Variants in METTL21A observed in about 807,000 individuals in gnomAD.
METTL21A encodes the protein protein N-lysine methyltransferase METTL21A.
METTL21A carries 22 observed loss-of-function variants against 20.9 expected under a neutral mutation model. The observed-to-expected ratio is 1.05, with a 90% CI of 0.75 to 1.50. The LOEUF is 1.50. Ranked by LOEUF, METTL21A falls within the 40% of genes most tolerant of loss-of-function variation. The pLI, the probability that METTL21A is intolerant of heterozygous loss-of-function variation, is 0.00. For synonymous variants in METTL21A, 93 were observed against 102.0 expected, an observed-to-expected ratio of 0.91 and a Z score of 0.53; for missense variants, 271 against 266.8, an observed-to-expected ratio of 1.02 and a Z score of -0.11.
downstream of METTL21A, chr2:207,609,010 T>C (rs1322755055): frequency 1.3e-5 from 2 of 152,238 alleles, no homozygotes. Context: ...CAATCTTTCA[T>C]ATTCATGGTG....
chr2:207,614,669 C>T (rs2551948), intron 3 of METTL21A, among the ~76,000 whole-genome samples: 128,457 of 152,180 alleles, frequency 0.84, 54,405 homozygotes, highest in East Asian at 1. Context: ...TGTAGAAAAA[C>T]TAAACTGTTT....
intron 3 of METTL21A, among the ~76,000 whole-genome samples, chr2:207,615,153 G>A (rs2089521006): frequency 1.3e-5 from 2 of 152,278 alleles, no homozygotes; most frequent in East Asian, 3.9e-4. Context: ...AGATTTCAAT[G>A]ACAGTTTTCA....
downstream of METTL21A, among the ~76,000 whole-genome samples, chr2:207,606,194 C>T (rs938845620): frequency 3.9e-5 from 6 of 152,100 alleles, no homozygotes; most frequent in Admixed American, 1.3e-4. Context: ...CAAGTTGGGC[C>T]GGGGTGCGGG....
At position 207,621,907 on chromosome 2, in the gene METTL21A, AGAACGATGGCCT is replaced by A. The variant is rs552968267; in HGVS notation, c.148-2_157del. ...AGCTCCCATCTCCAGGTATGTGGAAAGAACGATGGCCTGAATGAAAACACAGTGTGATGACGA... is the reference window on the plus strand; with the variant it reads ...AGCTCCCATCTCCAGGTATGTGGAAAGAATGAAAACACAGTGTGATGACGA... On this transcript the variant is annotated splice_acceptor_variant and coding_sequence_variant, in exon 3 of 4. Coordinates refer to ENST00000406927, the Ensembl canonical transcript of METTL21A. LOFTEE classifies it high-confidence loss of function. The A allele has an allele frequency of 1.8e-4, 289 of 1,614,062 alleles. 1 individual carries two copies. The African/African-American group carries it at 3.2e-3, about 18-fold the overall frequency.
chr2:207,590,226 G>C (rs2084751049), intron 3 of METTL21A, among the ~76,000 whole-genome samples: 1 of 151,098 alleles, frequency 6.6e-6, no homozygotes, highest in Non-Finnish European at 1.5e-5. Flanking sequence ...GTTGTTTGTA[G>C]TGTTAGTTTA....
chr2:207,621,375 C>T (rs542906156), intron 3 of METTL21A, among the ~76,000 whole-genome samples: 33 of 152,316 alleles, frequency 2.2e-4, no homozygotes, highest in African/African-American at 7.9e-4. Flanking sequence ...AAAGTTTCCT[C>T]AGCAATGAAG....
At chr2:207,613,523 G>A (rs926071228) in intron 3 of METTL21A, 80 bp from the exon 4 acceptor site, 19 of 1,321,794 alleles carry the variant, frequency 1.4e-5, no homozygotes, top group Admixed American at 2.4e-5. Flanking sequence ...GTTAAATGTA[G>A]AGTGTCTCTT....
chr2:207,604,877 A>C (rs2087825316), downstream of METTL21A, among the ~76,000 whole-genome samples: 1 of 152,158 alleles, frequency 6.6e-6, no homozygotes, highest in Non-Finnish European at 1.5e-5. Flanking sequence ...GTTGAGGTTG[A>C]TCCATTGTAA....
chr2:207,601,529 GA>G, intron 3 of METTL21A: 1 of 196,844 alleles, frequency 5.1e-6, no homozygotes, highest in Non-Finnish European at 1.1e-5. Context: ...AGATTGAAGG[GA>G]AAATAACTCA....
In METTL21A at chr2:207,613,387, C is replaced by T. The variant is rs750381718; in HGVS notation, c.316G>A (p.Val106Ile). The T allele has an allele frequency of 6.8e-6, 11 of 1,608,524 alleles. No homozygotes were observed. The highest frequency in any genetic ancestry group is 4.5e-5 in the South Asian group (4 of 89,658). The stretch of plus-strand genomic sequence containing the variant: ...ATATGAGGAGGTAAGTTGGCTTGAA[C>T]GTTTGATTTAAGAAATTCTAATGCT... Residue 106 changes from valine to isoleucine, a missense_variant, in exon 4 of 4, where the codon GTT (valine) becomes ATT (isoleucine). By Grantham distance (29) the Val-to-Ile change is conservative. Transcript: ENST00000406927.
At chr2:207,624,400 C>A in exon 2 of METTL21A, 1 of 1,606,348 alleles carries the variant, frequency 6.2e-7, no homozygotes, top group South Asian at 1.1e-5. Context: ...GCCCTCTGCT[C>A]AGACCTGCCG....
chr2:207,613,538 A>G (rs934744368), intron 3 of METTL21A, 95 bp from the exon 4 acceptor site: 3 of 1,118,604 alleles, frequency 2.7e-6, no homozygotes, highest in South Asian at 1.6e-5. Context: ...TCTCTTAAAT[A>G]TTGCATCTGA....
chr2:207,589,263 C>T (rs914817418), intron 3 of METTL21A, among the ~76,000 whole-genome samples: 1 of 152,150 alleles, frequency 6.6e-6, no homozygotes, highest in Non-Finnish European at 1.5e-5. Flanking sequence ...AAATGTGTTT[C>T]TTTGCCATTT....
At chr2:207,602,587 A>C (rs750853370) in intron 3 of METTL21A, 13 of 212,144 alleles carry the variant, frequency 6.1e-5, no homozygotes, top group Non-Finnish European at 9.5e-5. Flanking sequence ...GTAGGGAGGA[A>C]GAAAATCTCT....
downstream of METTL21A, chr2:207,581,550 C>T: frequency 4.3e-6 from 1 of 235,188 alleles, no homozygotes; most frequent in Admixed American, 5.6e-5. Flanking sequence ...AAAATGTTAA[C>T]ATTCTAAAGT....
At chr2:207,585,674 CAAAT>C (rs2083694977) in intron 3 of METTL21A, among the ~76,000 whole-genome samples, 1 of 151,948 alleles carries the variant, frequency 6.6e-6, no homozygotes, top group African/African-American at 2.4e-5. Flanking sequence ...ATAGACAATA[CAAAT>C]AAATCAGGAA....
downstream of METTL21A, among the ~76,000 whole-genome samples, chr2:207,604,466 A>G (rs1487169316): frequency 3.2e-5 from 4 of 125,810 alleles, no homozygotes; most frequent in Admixed American, 3.6e-4. Flanking sequence ...CTTCTTCTTA[A>G]CTGTGCGTCC....
At chr2:207,593,966 G>T (rs2085602932) in intron 3 of METTL21A, among the ~76,000 whole-genome samples, 1 of 152,074 alleles carries the variant, frequency 6.6e-6, no homozygotes, top group Non-Finnish European at 1.5e-5. Flanking sequence ...TGATCTGCCT[G>T]CCTCAGCCTC....
intron 3 of METTL21A, among the ~76,000 whole-genome samples, chr2:207,592,991 G>T (rs1409505536): frequency 6.6e-6 from 1 of 152,116 alleles, no homozygotes; most frequent in African/African-American, 2.4e-5. Context: ...TGAGATTACA[G>T]TTATAAATAT....
Sources: allele counts gnomAD v4.1 joint callset (sites outside exome capture counted in the v4.1 genomes callset), GRCh38; gene constraint gnomAD v4.1.1; transcripts MANE v1.5; gene names NCBI Gene and HGNC (gene_info 2026-07-23, HGNC 2026-07-21).